Variants in MAPT observed in about 807,000 individuals in gnomAD.
MAPT encodes the protein microtubule-associated protein tau.
Under a neutral mutation model 67.9 loss-of-function variants are expected in MAPT, and 34 were observed. The observed-to-expected ratio is 0.50, with a 90% CI of 0.38 to 0.67. The LOEUF is 0.67. Among genes scored for constraint, MAPT ranks in the 30% least tolerant of loss-of-function variants. The pLI, the probability that MAPT is intolerant of heterozygous loss-of-function variation, is 0.00. For missense variants in MAPT, 881 were observed against 1,115.2 expected (o/e 0.79, Z 2.99); for synonymous variants, 456 against 464.5 (o/e 0.98, Z 0.23).
chr17:46,023,080 A>G (rs1376010008), intron 12 of MAPT, among the ~76,000 whole-genome samples: 2 of 152,170 alleles, frequency 1.3e-5, no homozygotes, highest in East Asian at 1.9e-4. Context: ...TGTGTGGCTC[A>G]TGTCTGGGCA....
chr17:45,919,847 A>G (rs2065528626), intron 1 of MAPT, among the ~76,000 whole-genome samples: 1 of 152,248 alleles, frequency 6.6e-6, no homozygotes, highest in South Asian at 2.1e-4. Flanking sequence ...CAGGAGTTTG[A>G]GGCTGCAGTG....
At chr17:45,922,379 A>G (rs1427633234) in intron 1 of MAPT, among the ~76,000 whole-genome samples, 1 of 152,086 alleles carries the variant, frequency 6.6e-6, no homozygotes, top group African/African-American at 2.4e-5. Flanking sequence ...GTCCAAACAA[A>G]TTATACCTTA....
chr17:46,016,598 T>C (rs62062279), intron 11 of MAPT, among the ~76,000 whole-genome samples: 21,757 of 151,414 alleles, frequency 0.14, 2,124 homozygotes, highest in Middle Eastern at 0.22. Flanking sequence ...AGTGAAACCC[T>C]GTCTCTACTA....
At chr17:46,015,388 G>A (rs1176297437) in intron 11 of MAPT, among the ~76,000 whole-genome samples, 4 of 150,558 alleles carry the variant, frequency 2.7e-5, no homozygotes, top group Middle Eastern at 3.6e-3. Context: ...AGCTGGGCAC[G>A]GTGGCTCACG....
At position 46,028,105 on chromosome 17, in the gene MAPT, A is replaced by G. The variant is rs1249137404; in HGVS notation, c.*3934A>G. 6.8e-6 allele frequency: 1 copy of G among 146,034 alleles called. No homozygotes were observed. The highest frequency in any genetic ancestry group is 1.5e-5 in the Non-Finnish European group (1 of 67,308). The allele number at this position is 146,034 out of a possible 1,614,324, so 9.0% of individuals were successfully genotyped here. A position where few individuals can be genotyped will look rare whatever the true frequency, so the allele number is the denominator to read the frequency against. Reference sequence around the variant, plus strand: ...GCACTGGCCTAGAGCCTCACCTCCTAATAGACTTAGCCCCATGAGTTTGCC... The same window carrying G: ...GCACTGGCCTAGAGCCTCACCTCCTGATAGACTTAGCCCCATGAGTTTGCC... On this transcript the variant is annotated 3_prime_UTR_variant, in exon 13 of 13. Transcript: ENST00000262410.
chr17:45,991,493 C>T lies in MAPT; in HGVS notation c.1639C>T (p.Arg547Trp), dbSNP rs141545558. The T allele has an allele frequency of 1.5e-5, 25 of 1,614,090 alleles. No individual in the cohort carries two copies. The African/African-American group carries it at 1.7e-4, about 11-fold the overall frequency. ...TGGTAAAACGAAGATCGCCACACCG[C>T]GGGGAGCAGCCCCTCCAGGCCAGAA... ...ADGKTKIATPRGAAPPGQKGQ... is the reference protein window; with the variant it reads ...ADGKTKIATPWGAAPPGQKGQ... Residue 547 changes from arginine (R) to tryptophan (W), a missense_variant, in exon 8 of 13, where the codon CGG becomes TGG. By Grantham distance (101) the Arg-to-Trp change is moderately radical. Coordinates refer to ENST00000262410, the MANE Select transcript of MAPT (RefSeq NM_001377265.1).
chr17:45,994,005 C>G (rs2074278443), intron 8 of MAPT: 1 of 1,549,932 alleles, frequency 6.5e-7, no homozygotes, highest in Non-Finnish European at 8.7e-7. Context: ...TCGCTGGGAG[C>G]AGCCTCCCTT....
At chr17:45,927,587 C>T (rs2066462207) in intron 1 of MAPT, among the ~76,000 whole-genome samples, 1 of 152,198 alleles carries the variant, frequency 6.6e-6, no homozygotes, top group Admixed American at 6.5e-5. Flanking sequence ...TTTCCCTCTC[C>T]TGTCTTCTTT....
At chr17:45,907,045 C>T (rs1009219948) in intron 1 of MAPT, among the ~76,000 whole-genome samples, 2 of 152,214 alleles carry the variant, frequency 1.3e-5, no homozygotes, top group Non-Finnish European at 2.9e-5. Context: ...CCCAGAGCAA[C>T]CCCGTCACCT....
At chr17:45,943,811 T>A (rs937283758) in intron 1 of MAPT, among the ~76,000 whole-genome samples, 1 of 152,194 alleles carries the variant, frequency 6.6e-6, no homozygotes, top group Admixed American at 6.5e-5. Context: ...CTGGAAGGAA[T>A]GAGGAACAGA....
At chr17:45,958,921 A>G (rs62063275) in intron 1 of MAPT, among the ~76,000 whole-genome samples, 21,798 of 151,666 alleles carry the variant, frequency 0.14, 2,139 homozygotes, top group Non-Finnish European at 0.22. Flanking sequence ...AAATTCGCCA[A>G]GCGTGGTGGC....
intron 1 of MAPT, among the ~76,000 whole-genome samples, chr17:45,947,732 G>T (rs946458514): frequency 6.6e-6 from 1 of 152,016 alleles, no homozygotes; most frequent in African/African-American, 2.4e-5. Context: ...ATGACCTCCA[G>T]TTACCTTAGA....
intron 1 of MAPT, among the ~76,000 whole-genome samples, chr17:45,914,825 A>G (rs886487448): frequency 6.6e-5 from 10 of 151,526 alleles, no homozygotes; most frequent in African/African-American, 2.4e-4. Flanking sequence ...GGCTCAAGCA[A>G]TCCTCCCACC....
intron 1 of MAPT, among the ~76,000 whole-genome samples, chr17:45,914,537 C>G (rs1597900198): frequency 6.6e-6 from 1 of 152,142 alleles, no homozygotes; most frequent in African/African-American, 2.4e-5. Flanking sequence ...GTGTACTGTC[C>G]TCTGCGTGCA....
intron 1 of MAPT, among the ~76,000 whole-genome samples, chr17:45,921,805 C>T (rs1175709742): frequency 6.6e-6 from 1 of 152,122 alleles, no homozygotes. Flanking sequence ...CTTCTTGAGG[C>T]AAGGATTTTG....
chr17:45,996,499 C>T lies in MAPT; in HGVS notation c.1833C>T (p.Pro611=), dbSNP rs750534847. The change falls in exon 9 of 13, where the codon CCC becomes CCT. Residue 611 remains proline (P), a synonymous_variant. Coordinates refer to ENST00000262410, the MANE Select transcript of MAPT (RefSeq NM_001377265.1). The surrounding 1 kb of genome is among the most constrained non-coding windows in gnomAD (Gnocchi z 4.5). Reference sequence around the variant, plus strand: ...GCACCCCGTCCCTTCCAACCCCACCCACCCGGGAGCCCAAGAAGGTGGCAG... The same window carrying T: ...GCACCCCGTCCCTTCCAACCCCACCTACCCGGGAGCCCAAGAAGGTGGCAG... ...RSRTPSLPTP[P]TREPKKVAVV... 1 of 1,613,568 alleles carries T rather than the reference C, an allele frequency of 6.2e-7. No individual in the cohort carries two copies. The highest frequency in any genetic ancestry group is 8.5e-7 in the Non-Finnish European group (1 of 1,179,914).
rs1168907487 is a variant in MAPT at position 45,910,213 on chromosome 17, C to G, written c.-18+15527C>G. On this transcript the variant is annotated intron_variant, in intron 1 of 12. Transcript: ENST00000262410. ...TTCAGGGTGCTGGGAGGTCCCCCCA[C>G]TCCCCAAATTACTAACAAGTGGATA... Among the ~76,000 whole-genome samples the G allele has an allele frequency of 2.0e-5, 3 of 152,180 alleles. No individual in the cohort carries two copies. In the East Asian group the frequency reaches 5.8e-4, roughly 29 times the overall value.
At chr17:46,019,876 G>T (rs926784607) in intron 12 of MAPT, among the ~76,000 whole-genome samples, 3 of 151,862 alleles carry the variant, frequency 2.0e-5, no homozygotes, top group Non-Finnish European at 1.5e-5. Flanking sequence ...GCTGGGTGTG[G>T]TGGTGCGTGC....
At chr17:45,911,314 G>A (rs1021775617) in intron 1 of MAPT, among the ~76,000 whole-genome samples, 2 of 152,198 alleles carry the variant, frequency 1.3e-5, no homozygotes, top group Non-Finnish European at 2.9e-5. Flanking sequence ...TGGATGAGTG[G>A]GTGAGTTCAA....
Sources: allele counts gnomAD v4.1 joint callset (sites outside exome capture counted in the v4.1 genomes callset), GRCh38; gene constraint gnomAD v4.1.1; non-coding constraint Gnocchi (gnomAD v3.1); transcripts MANE v1.5; gene names NCBI Gene and HGNC (gene_info 2026-07-23, HGNC 2026-07-21).